HDAC9: variants seen among roughly 807,000 people sequenced by gnomAD.
HDAC9 encodes the protein histone deacetylase 9.
In HDAC9, 41 loss-of-function variants were observed where a neutral mutation model predicts 139.4. The observed-to-expected ratio is 0.29, with a 90% CI of 0.23 to 0.38. The LOEUF is 0.38. Among genes scored for constraint, HDAC9 ranks in the 10% least tolerant of loss-of-function variants. The pLI is 1.00. For missense variants in HDAC9, 1,147 were observed against 1,297.0 expected, an observed-to-expected ratio of 0.88 and a Z score of 1.78; for synonymous variants, 517 against 476.2, an observed-to-expected ratio of 1.09 and a Z score of -1.12.
chr7:18,469,695 A>T (rs766560321), intron 1 of HDAC9, among the ~76,000 whole-genome samples: 2 of 152,188 alleles, frequency 1.3e-5, no homozygotes, highest in Non-Finnish European at 2.9e-5. Context: ...ATGAGTCCCT[A>T]CTAAGTAGCA....
In HDAC9 at chr7:18,578,895, A is replaced by G. The variant is rs963754796; in HGVS notation, c.23-6386A>G. On this transcript the variant is annotated intron_variant, in intron 2 of 25. Coordinates refer to ENST00000686413, the MANE Select transcript of HDAC9 (RefSeq NM_178425.4). ...ATGACTGGTAGAATTGCATATGTGC[A>G]TGCAAAGAATTTGAGTCACAGTTTA... is the stretch of plus-strand genomic sequence containing the variant. 5.2e-4 allele frequency among the ~76,000 whole-genome samples: 79 copies of G among 152,246 alleles called. 2 individuals are homozygous for G. The highest frequency in any genetic ancestry group is 8.8e-5 in the Non-Finnish European group (6 of 68,036).
chr7:18,287,110 C>T (rs931957377), upstream of HDAC9, among the ~76,000 whole-genome samples: 3 of 152,054 alleles, frequency 2.0e-5, no homozygotes, highest in African/African-American at 7.2e-5. Flanking sequence ...ATTTGTTTTG[C>T]CCATTTTAAT....
At chr7:18,571,630 ATTTTTTT>A in intron 2 of HDAC9, among the ~76,000 whole-genome samples, 2 of 145,596 alleles carry the variant, frequency 1.4e-5, no homozygotes, top group South Asian at 4.3e-4. Context: ...TTTATTTTTT[ATTTTTTT>A]TTTTGGTAAT....
At chr7:18,248,258 G>A (rs559564688) in intron 2 of HDAC9, among the ~76,000 whole-genome samples, 7 of 151,978 alleles carry the variant, frequency 4.6e-5, no homozygotes, top group Non-Finnish European at 1.0e-4. Flanking sequence ...TCACAAATAG[G>A]GTTCTAAAGT....
At chr7:18,898,990 C>A (rs58868975) in intron 22 of HDAC9, among the ~76,000 whole-genome samples, 12,462 of 151,926 alleles carry the variant, frequency 0.082, 795 homozygotes, top group African/African-American at 0.18. Flanking sequence ...TTCTGTTACG[C>A]TTATGCTACC....
intron 21 of HDAC9, among the ~76,000 whole-genome samples, chr7:18,838,317 T>C (rs901768920): frequency 1.3e-5 from 2 of 152,058 alleles, no homozygotes; most frequent in Non-Finnish European, 2.9e-5. Context: ...GATTAACTTG[T>C]CCTCAATGGT....
intron 2 of HDAC9, among the ~76,000 whole-genome samples, chr7:18,549,974 T>A (rs1816569449): frequency 6.6e-6 from 1 of 151,910 alleles, no homozygotes; most frequent in Non-Finnish European, 1.5e-5. Flanking sequence ...CTGAGATAGC[T>A]TACTTTTCTT....
chr7:18,499,829 C>A (rs141597872), intron 2 of HDAC9, among the ~76,000 whole-genome samples: 336 of 152,138 alleles, frequency 2.2e-3, no homozygotes, highest in African/African-American at 7.8e-3. Context: ...ATATCTTCAC[C>A]CTTTTTTGAA....
chr7:18,142,688 C>A (rs986526205), intron 1 of HDAC9, among the ~76,000 whole-genome samples: 34 of 152,238 alleles, frequency 2.2e-4, no homozygotes, highest in African/African-American at 7.2e-4. Context: ...GACTTTGCAG[C>A]TTGCCCTTGG....
chr7:18,258,488 A>AC (rs1795426198), intron 2 of HDAC9, among the ~76,000 whole-genome samples: 1 of 151,990 alleles, frequency 6.6e-6, no homozygotes, highest in Non-Finnish European at 1.5e-5. Context: ...CCCCAGTCCC[A>AC]CCCTTTTTCC....
chr7:18,921,747 T>A (rs1246095223), intron 22 of HDAC9, among the ~76,000 whole-genome samples: 2 of 152,138 alleles, frequency 1.3e-5, no homozygotes, highest in Non-Finnish European at 2.9e-5. Flanking sequence ...CAAAGGACTA[T>A]AAATCATGCT....
intron 2 of HDAC9, among the ~76,000 whole-genome samples, chr7:18,510,266 A>G (rs1370876663): frequency 6.6e-6 from 1 of 152,204 alleles, no homozygotes; most frequent in Non-Finnish European, 1.5e-5. Context: ...GTGATTTTTC[A>G]ATGAATAATG....
At chr7:18,649,575 G>A (rs74390746) in intron 11 of HDAC9, among the ~76,000 whole-genome samples, 1 of 152,120 alleles carries the variant, frequency 6.6e-6, no homozygotes, top group African/African-American at 2.4e-5. Context: ...TAAATGGATA[G>A]CTAAAACCTG....
intron 16 of HDAC9, among the ~76,000 whole-genome samples, chr7:18,781,310 G>T (rs1336805337): frequency 2.0e-5 from 3 of 151,992 alleles, no homozygotes; most frequent in Non-Finnish European, 4.4e-5. Flanking sequence ...AATGTCCAGG[G>T]TTGGCTTTGG....
chr7:18,793,540 C>T lies in HDAC9; in HGVS notation c.2322+88C>T, dbSNP rs190900111. 4.2e-5 allele frequency: 37 copies of T among 879,416 alleles called. No homozygotes were observed. The East Asian group carries it at 5.0e-4, about 12-fold the overall frequency. The allele number at this position is 879,416 out of a possible 1,614,324, so 54.5% of individuals were successfully genotyped here. A position where few individuals can be genotyped will look rare whatever the true frequency, so the allele number is the denominator to read the frequency against. ...TATGTGGGAATTGCGGGGAGTGTGG[C>T]GTGGTAATAAAAGGAAGGGCAGAAG... On this transcript the variant is annotated intron_variant, in intron 17 of 25. Coordinates refer to ENST00000686413, the MANE Select transcript of HDAC9 (RefSeq NM_178425.4).
intron 2 of HDAC9, among the ~76,000 whole-genome samples, chr7:18,202,365 T>C (rs1345461149): frequency 6.6e-6 from 1 of 152,172 alleles, no homozygotes; most frequent in African/African-American, 2.4e-5. Context: ...AATATTTAAG[T>C]TTTCTTCATA....
At chr7:18,347,967 A>C (rs1412750154) in intron 1 of HDAC9, among the ~76,000 whole-genome samples, 1 of 152,206 alleles carries the variant, frequency 6.6e-6, no homozygotes, top group Non-Finnish European at 1.5e-5. Context: ...AAGGGTTGAC[A>C]GTCATAGATT....
intron 1 of HDAC9, among the ~76,000 whole-genome samples, chr7:18,330,983 C>T (rs62449151): frequency 0.23 from 34,417 of 151,562 alleles, 4,022 homozygotes; most frequent in East Asian, 0.27. Flanking sequence ...CACAGACATA[C>T]AGTAATACAT....
intron 7 of HDAC9, 133 bp from the exon 8 acceptor site, chr7:18,634,494 T>C: frequency 5.0e-6 from 3 of 601,666 alleles, no homozygotes; most frequent in South Asian, 2.3e-5. Flanking sequence ...TTTTTAGTTC[T>C]TTCTATTTTG....
Sources: allele counts gnomAD v4.1 joint callset (sites outside exome capture counted in the v4.1 genomes callset), GRCh38; gene constraint gnomAD v4.1.1; transcripts MANE v1.5; gene names NCBI Gene and HGNC (gene_info 2026-07-23, HGNC 2026-07-21).